TRERF1: variants seen among roughly 807,000 people sequenced by gnomAD.
TRERF1 encodes transcriptional regulating factor 1, also known as transcriptional-regulating factor 1.
TRERF1 carries 27 observed loss-of-function variants against 122.9 expected under a neutral mutation model. The observed-to-expected ratio is 0.22, with a 90% CI of 0.16 to 0.30. The LOEUF (loss-of-function observed/expected upper bound fraction) is 0.30. Ranked by LOEUF, TRERF1 falls within the 10% of genes least tolerant of loss-of-function variation. The probability of loss-of-function intolerance (pLI) is 1.00; values close to 1 mark genes in which losing one functional copy is unlikely to be tolerated. For synonymous variants in TRERF1, 636 were observed against 641.7 expected (o/e 0.99, Z 0.13); for missense variants, 1,248 against 1,560.3 (o/e 0.80, Z 3.37).
chr6:42,446,510 G>C (rs973884434), intron 2 of TRERF1, among the ~76,000 whole-genome samples: 1 of 152,200 alleles, frequency 6.6e-6, no homozygotes, highest in African/African-American at 2.4e-5. Context: ...TTGGCAAGCT[G>C]TATTTCTTTA....
At chr6:42,271,735 G>A (rs1208769357) in intron 4 of TRERF1, among the ~76,000 whole-genome samples, 3 of 152,028 alleles carry the variant, frequency 2.0e-5, no homozygotes, top group Admixed American at 2.0e-4. Flanking sequence ...ATTAATAATT[G>A]TGATAACTCA....
At chr6:42,287,292 TAAAAAA>T (rs1187993828) in intron 4 of TRERF1, among the ~76,000 whole-genome samples, 5 of 124,442 alleles carry the variant, frequency 4.0e-5, no homozygotes, top group African/African-American at 1.2e-4. Flanking sequence ...TAAAGTATAA[TAAAAAA>T]AAAAAAAAGA....
At chr6:42,237,287 T>C (rs1293540327) in intron 15 of TRERF1, among the ~76,000 whole-genome samples, 2 of 152,104 alleles carry the variant, frequency 1.3e-5, no homozygotes, top group Non-Finnish European at 2.9e-5. Context: ...GTGGGTGCCC[T>C]GGGTGTGCTG....
intron 2 of TRERF1, among the ~76,000 whole-genome samples, chr6:42,375,115 A>C (rs1330034100): frequency 6.6e-6 from 1 of 152,156 alleles, no homozygotes; most frequent in African/African-American, 2.4e-5. Flanking sequence ...GCTCAGGGTA[A>C]AGCGACTGTC....
At chr6:42,436,786 G>A in intron 2 of TRERF1, among the ~76,000 whole-genome samples, 1 of 107,602 alleles carries the variant, frequency 9.3e-6, no homozygotes, top group Non-Finnish European at 1.7e-5. Flanking sequence ...TGAATTATTT[G>A]CAATCTCCCT....
At chr6:42,399,918 T>A (rs1447599454) in intron 2 of TRERF1, among the ~76,000 whole-genome samples, 1 of 151,888 alleles carries the variant, frequency 6.6e-6, no homozygotes, top group Non-Finnish European at 1.5e-5. Context: ...TTGCCCACCA[T>A]TAATCCACAC....
At chr6:42,267,686 A>C (rs1051835380) in intron 5 of TRERF1, among the ~76,000 whole-genome samples, 1 of 152,128 alleles carries the variant, frequency 6.6e-6, no homozygotes, top group Non-Finnish European at 1.5e-5. Flanking sequence ...TATCCTGAGA[A>C]CCCACTGTTT....
chr6:42,323,648 C>T (rs1583034984), intron 3 of TRERF1, among the ~76,000 whole-genome samples: 1 of 151,248 alleles, frequency 6.6e-6, no homozygotes, highest in East Asian at 1.9e-4. Flanking sequence ...GACCAGGGTA[C>T]AAGGTAGCAT....
intron 3 of TRERF1, among the ~76,000 whole-genome samples, chr6:42,317,384 T>C (rs1762668360): frequency 6.6e-6 from 1 of 152,098 alleles, no homozygotes; most frequent in Non-Finnish European, 1.5e-5. Flanking sequence ...AGACAGAGTC[T>C]TGCTCTGTTG....
At chr6:42,252,625 A>G (rs1776018440) in intron 13 of TRERF1, among the ~76,000 whole-genome samples, 1 of 152,224 alleles carries the variant, frequency 6.6e-6, no homozygotes, top group African/African-American at 2.4e-5. Context: ...GAATGGGGCC[A>G]TGGAGATGGG....
chr6:42,272,574 T>C (rs992303539), intron 4 of TRERF1, among the ~76,000 whole-genome samples: 4 of 151,952 alleles, frequency 2.6e-5, no homozygotes, highest in African/African-American at 9.7e-5. Context: ...CCCAAGTGAG[T>C]CATGTCCAGA....
At chr6:42,377,148 G>A (rs1028342740) in intron 2 of TRERF1, among the ~76,000 whole-genome samples, 1 of 152,214 alleles carries the variant, frequency 6.6e-6, no homozygotes, top group Non-Finnish European at 1.5e-5. Context: ...TTACAGGCGT[G>A]AGCCACTGTG....
intron 4 of TRERF1, among the ~76,000 whole-genome samples, chr6:42,286,797 T>C (rs1350301512): frequency 7.6e-6 from 1 of 131,552 alleles, no homozygotes; most frequent in African/African-American, 2.9e-5. Flanking sequence ...ACTGGGTATA[T>C]ACCCAAAGGA....
intron 3 of TRERF1, among the ~76,000 whole-genome samples, chr6:42,359,672 C>T (rs550781495): frequency 3.9e-5 from 6 of 152,176 alleles, no homozygotes; most frequent in Admixed American, 6.5e-5. Flanking sequence ...TGCAGTGAGC[C>T]GAGATCGCAC....
chr6:42,377,164 C>G (rs1389029655), intron 2 of TRERF1, among the ~76,000 whole-genome samples: 1 of 152,172 alleles, frequency 6.6e-6, no homozygotes, highest in Non-Finnish European at 1.5e-5. Flanking sequence ...CTGTGCCAGG[C>G]CTAAAAATAA....
At chr6:42,299,919 T>C (rs957881556) in intron 4 of TRERF1, among the ~76,000 whole-genome samples, 8 of 152,336 alleles carry the variant, frequency 5.3e-5, no homozygotes, top group African/African-American at 1.7e-4. Flanking sequence ...CTGAAGATGG[T>C]GCAGGTTGCA....
intron 4 of TRERF1, among the ~76,000 whole-genome samples, chr6:42,289,513 A>C (rs1258525275): frequency 6.6e-6 from 1 of 152,160 alleles, no homozygotes; most frequent in Admixed American, 6.5e-5. Flanking sequence ...GGACTTACAT[A>C]ATAAGAAAGA....
At chr6:42,316,909 A>G (rs1010489745) in intron 3 of TRERF1, among the ~76,000 whole-genome samples, 4 of 152,080 alleles carry the variant, frequency 2.6e-5, no homozygotes, top group African/African-American at 7.2e-5. Flanking sequence ...GACTTCCCCA[A>G]TTGCTCCTAT....
In TRERF1 at chr6:42,448,872, C is replaced by T. The variant is rs141075955; in HGVS notation, c.-454+2305G>A. ...TAATCAGCTTCACAGAGAATCCTTA[C>T]ATTTGTCAAAAAAATAACGCTTTCG... On this transcript the variant is annotated intron_variant, in intron 2 of 17. Coordinates refer to ENST00000372922, the Ensembl canonical transcript of TRERF1. Among the ~76,000 whole-genome samples, 100 of 152,334 alleles carry T rather than the reference C, an allele frequency of 6.6e-4. 1 individual carries two copies. The highest frequency in any genetic ancestry group is 3.4e-3 in the Middle Eastern group (1 of 294).
Sources: gnomAD v4.1 joint callset for allele counts (sites outside exome capture counted in the v4.1 genomes callset) on GRCh38, gnomAD v4.1.1 for gene constraint, MANE v1.5 for transcripts, NCBI Gene and HGNC (gene_info 2026-07-23, HGNC 2026-07-21) for gene names.